The following TTC6 variants were observed in gnomAD, a reference collection of about 807,000 sequenced individuals.
The protein encoded by TTC6 is tetratricopeptide repeat protein 6.
In TTC6, 172 loss-of-function variants were observed where a neutral mutation model predicts 210.4. That is an observed-to-expected ratio of 0.82 (90% confidence interval 0.72 to 0.93). The LOEUF (loss-of-function observed/expected upper bound fraction) is 0.93, where lower values mean the gene tolerates loss of function less well. Among genes scored for constraint, TTC6 ranks in the 40% least tolerant of loss-of-function variants. The pLI is 0.00. For missense variants in TTC6, 2,414 were observed against 2,318.1 expected (o/e 1.04, Z -0.85); for synonymous variants, 804 against 819.6 (o/e 0.98, Z 0.32).
At chr14:37,727,687 T>C (rs1169456060) in intron 7 of TTC6, among the ~76,000 whole-genome samples, 1 of 152,124 alleles carries the variant, frequency 6.6e-6, no homozygotes. Flanking sequence ...TTCTGTGTAC[T>C]TGACCTTATT....
intron 29 of TTC6, among the ~76,000 whole-genome samples, chr14:37,828,636 ACAGAGCATTTAAC>A (rs1376078843): frequency 2.0e-5 from 3 of 152,224 alleles, no homozygotes; most frequent in African/African-American, 7.2e-5. Context: ...GAATAAATTA[ACAGAGCATTTAAC>A]CAGATGGAAG....
rs140570303 is a variant in TTC6, at chr14:37,814,695, A to T, written c.4689+2262A>T. Among the ~76,000 whole-genome samples, 628 of 152,288 alleles carry T rather than the reference A, an allele frequency of 4.1e-3. 5 individuals carry two copies. Among genetic ancestry groups the T allele is most frequent in the African/African-American group, 0.014 (580 of 41,550 alleles). On this transcript the variant is annotated intron_variant, in intron 25 of 30. Transcript: ENST00000553443. ...AGGTAACAACAAAAAGCTGGAAAAG[A>T]TATACCACAGAAACAAATTGAAAGC...
At chr14:37,826,068 A>G in intron 27 of TTC6, 127 bp from the exon 30 acceptor site, 1 of 992,154 alleles carries the variant, frequency 1.0e-6, no homozygotes, top group Non-Finnish European at 1.4e-6. Context: ...TCTGGTTTGA[A>G]AGAACTTAGA....
intron 27 of TTC6, among the ~76,000 whole-genome samples, chr14:37,825,024 A>G (rs2096167432): frequency 1.3e-5 from 2 of 152,172 alleles, no homozygotes; most frequent in African/African-American, 4.8e-5. Context: ...AAAAGAATTG[A>G]AAAGCACAGG....
chr14:37,822,112 A>G (rs2096159247), intron 26 of TTC6, among the ~76,000 whole-genome samples: 3 of 152,074 alleles, frequency 2.0e-5, no homozygotes, highest in Admixed American at 6.6e-5. Context: ...TTTGTAATCA[A>G]TGGTGCAGCA....
At chr14:37,706,311 C>A (rs1025339321) in intron 5 of TTC6, among the ~76,000 whole-genome samples, 2 of 152,062 alleles carry the variant, frequency 1.3e-5, no homozygotes, top group African/African-American at 4.8e-5. Flanking sequence ...GCCTTAGGGA[C>A]CACTCCTTTC....
At chr14:37,667,804 C>G (rs1351910087) in intron 1 of TTC6, among the ~76,000 whole-genome samples, 2 of 150,550 alleles carry the variant, frequency 1.3e-5, no homozygotes, top group African/African-American at 2.4e-5. Context: ...TTTACCTCCA[C>G]TAAAGTTTAT....
intron 3 of TTC6, among the ~76,000 whole-genome samples, chr14:37,685,891 C>T (rs1462507763): frequency 6.6e-6 from 1 of 152,042 alleles, no homozygotes; most frequent in African/African-American, 2.4e-5. Flanking sequence ...GCAATCTATG[C>T]ATTGATCTTG....
chr14:37,613,313 A>G (rs2139260254), intron 2 of TTC6, among the ~76,000 whole-genome samples: 1 of 152,204 alleles, frequency 6.6e-6, no homozygotes, highest in South Asian at 2.1e-4. Flanking sequence ...ACTTAAATCA[A>G]TTTTTCAACC....
chr14:37,785,276 G>T (rs961823581), intron 14 of TTC6, among the ~76,000 whole-genome samples: 3 of 151,952 alleles, frequency 2.0e-5, no homozygotes, highest in East Asian at 1.9e-4. Flanking sequence ...ACATAGATTT[G>T]GTCTTTTCAC....
chr14:37,816,452 C>T (rs2096142102), intron 25 of TTC6, among the ~76,000 whole-genome samples: 3 of 152,106 alleles, frequency 2.0e-5, no homozygotes, highest in Admixed American at 6.5e-5. Context: ...CAGATTTCTG[C>T]TGTCTGGCTT....
At chr14:37,616,332 T>C (rs1386745208) in intron 2 of TTC6, among the ~76,000 whole-genome samples, 1 of 152,200 alleles carries the variant, frequency 6.6e-6, no homozygotes, top group Non-Finnish European at 1.5e-5. Flanking sequence ...TTTTTGACAC[T>C]TGCACTATGC....
chr14:37,669,302 A>G (rs1465338951), intron 1 of TTC6, among the ~76,000 whole-genome samples: 1 of 152,188 alleles, frequency 6.6e-6, no homozygotes, highest in Non-Finnish European at 1.5e-5. Flanking sequence ...GAGGGAGCCA[A>G]TGTGAAGATG....
At position 37,737,654 on chromosome 14, in the gene TTC6, TCA is replaced by T. The variant is rs1437250545; in HGVS notation, c.1909-3_1909-2del. ...AATGTATATTTTTCATTTGATTATT[TCA>T]CAGTGTTTCTTACCAAGAAAATCTG... On this transcript the variant is annotated splice_polypyrimidine_tract_variant and splice_region_variant and intron_variant, in intron 8 of 30. Coordinates refer to ENST00000553443, the Ensembl canonical transcript of TTC6. 4 of 1,497,800 alleles carry T rather than the reference TCA, an allele frequency of 2.7e-6. No individual in the cohort carries two copies. In the South Asian group the frequency reaches 5.0e-5, roughly 19 times the overall value. The allele number at this position is 1,497,800 out of a possible 1,614,324, so 92.8% of individuals were successfully genotyped here.
exon 1 of TTC6, chr14:37,622,780 C>T: frequency 6.5e-7 from 1 of 1,534,606 alleles, no homozygotes; most frequent in Non-Finnish European, 8.7e-7. Flanking sequence ...GCCCGCGAGG[C>T]GCGGGAAGCG....
chr14:37,790,179 C>T (rs1189315286), intron 15 of TTC6, among the ~76,000 whole-genome samples: 1 of 152,130 alleles, frequency 6.6e-6, no homozygotes, highest in Non-Finnish European at 1.5e-5. Context: ...CGCCTTACCT[C>T]CAAGCTCTGT....
intron 1 of TTC6, among the ~76,000 whole-genome samples, chr14:37,665,701 A>G (rs192760482): frequency 1.3e-5 from 2 of 150,778 alleles, no homozygotes; most frequent in African/African-American, 4.8e-5. Flanking sequence ...AACCTTGAGC[A>G]TCTTGAAGAA....
At chr14:37,764,810 G>C (rs2095993870) in intron 14 of TTC6, among the ~76,000 whole-genome samples, 1 of 151,466 alleles carries the variant, frequency 6.6e-6, no homozygotes, top group Admixed American at 6.6e-5. Flanking sequence ...CTGCCATTTT[G>C]CTATTTGTTT....
intron 17 of TTC6, among the ~76,000 whole-genome samples, chr14:37,792,929 A>G (rs1200578686): frequency 6.6e-6 from 1 of 152,150 alleles, no homozygotes; most frequent in Non-Finnish European, 1.5e-5. Context: ...TCACATTAAA[A>G]ATAAATGTTA....
Sources: allele counts gnomAD v4.1 joint callset (sites outside exome capture counted in the v4.1 genomes callset), GRCh38; gene constraint gnomAD v4.1.1; transcripts MANE v1.5; gene names NCBI Gene and HGNC (gene_info 2026-07-23, HGNC 2026-07-21).